THSD4: variants seen among roughly 807,000 people sequenced by gnomAD.
THSD4 encodes thrombospondin type 1 domain containing 4.
Under a neutral mutation model 119.0 loss-of-function variants are expected in THSD4, and 69 were observed. The ratio of observed to expected loss-of-function variants is 0.58; its 90% CI spans 0.48 to 0.71. THSD4 has a LOEUF of 0.71. THSD4 is among the 30% of genes least tolerant of loss of function. The pLI, the probability that THSD4 is intolerant of heterozygous loss-of-function variation, is 0.00. For synonymous variants in THSD4, 524 were observed against 540.4 expected, an observed-to-expected ratio of 0.97 and a Z score of 0.42; for missense variants, 1,393 against 1,391.1, an observed-to-expected ratio of 1.00 and a Z score of -0.02.
At chr15:71,753,288 G>A (rs1342993529) in intron 14 of THSD4, among the ~76,000 whole-genome samples, 1 of 152,116 alleles carries the variant, frequency 6.6e-6, no homozygotes, top group Non-Finnish European at 1.5e-5. Flanking sequence ...ACAAATCAAT[G>A]ATAGGTTTAA....
intron 7 of THSD4, among the ~76,000 whole-genome samples, chr15:71,613,454 G>A (rs2050266464): frequency 1.3e-5 from 2 of 152,124 alleles, no homozygotes. Context: ...ATAAATAGGA[G>A]GAGGATGTAT....
At chr15:71,613,775 C>G (rs2050272521) in intron 7 of THSD4, among the ~76,000 whole-genome samples, 1 of 152,120 alleles carries the variant, frequency 6.6e-6, no homozygotes, top group Non-Finnish European at 1.5e-5. Flanking sequence ...TAAACCAGTC[C>G]TGATTAGGTG....
intron 8 of THSD4, among the ~76,000 whole-genome samples, chr15:71,690,607 AAGACATCTCCT>A (rs1439859256): frequency 1.3e-5 from 2 of 152,226 alleles, no homozygotes; most frequent in African/African-American, 4.8e-5. Flanking sequence ...ACTGCTGATA[AAGACATCTCCT>A]AGACTGGGCA....
intron 7 of THSD4, among the ~76,000 whole-genome samples, chr15:71,571,929 T>G (rs1462087149): frequency 6.6e-6 from 1 of 152,184 alleles, no homozygotes; most frequent in Non-Finnish European, 1.5e-5. Context: ...ATTAATTATA[T>G]TTTCTTTCTT....
chr15:71,465,675 G>A (rs982939156), intron 7 of THSD4, among the ~76,000 whole-genome samples: 3 of 152,092 alleles, frequency 2.0e-5, no homozygotes, highest in African/African-American at 7.2e-5. Context: ...TTGCATTGTC[G>A]GTATTCATCT....
At chr15:71,472,698 C>A (rs948678127) in intron 7 of THSD4, among the ~76,000 whole-genome samples, 1 of 152,304 alleles carries the variant, frequency 6.6e-6, no homozygotes, top group East Asian at 1.9e-4. Context: ...AAGTCCTGCT[C>A]GCTGACCTGC....
intron 6 of THSD4, among the ~76,000 whole-genome samples, chr15:71,356,198 A>T (rs1328786874): frequency 1.3e-5 from 2 of 152,016 alleles, no homozygotes; most frequent in African/African-American, 4.8e-5. Flanking sequence ...TAGTCTAGTG[A>T]GTTTCTTCTC....
intron 7 of THSD4, among the ~76,000 whole-genome samples, chr15:71,546,025 C>G (rs372535873): frequency 1.4e-4 from 21 of 152,284 alleles, no homozygotes; most frequent in East Asian, 1.2e-3. Context: ...AAAGAGAAAG[C>G]CTGTGTCTTT....
chr15:71,097,592 T>A, intron 1 of THSD4, among the ~76,000 whole-genome samples: 3 of 147,634 alleles, frequency 2.0e-5, no homozygotes, highest in Non-Finnish European at 3.0e-5. Context: ...AACAACCAAA[T>A]GAGACAACAA....
intron 5 of THSD4, among the ~76,000 whole-genome samples, chr15:71,247,722 C>G (rs777426274): frequency 1.3e-5 from 2 of 152,180 alleles, no homozygotes; most frequent in Non-Finnish European, 2.9e-5. Flanking sequence ...GCAAGTTTGT[C>G]TTCAGCAGTG....
chr15:71,109,876 G>A (rs2040291157), intron 1 of THSD4, among the ~76,000 whole-genome samples: 1 of 152,188 alleles, frequency 6.6e-6, no homozygotes, highest in South Asian at 2.1e-4. Flanking sequence ...CCATGAACTT[G>A]GAGACCGTGT....
At chr15:71,260,115 A>C (rs1315032032) in intron 6 of THSD4, among the ~76,000 whole-genome samples, 3 of 152,176 alleles carry the variant, frequency 2.0e-5, no homozygotes, top group Non-Finnish European at 4.4e-5. Flanking sequence ...ATGCAGGTCT[A>C]ATATTGATAG....
In THSD4 at chr15:71,172,682, CATATATATATATATATAT is replaced by C. The variant is rs71152331; in HGVS notation, c.99+17785_99+17802del. On this transcript the variant is annotated intron_variant, in intron 3 of 17. Coordinates refer to ENST00000261862, the MANE Select transcript of THSD4 (RefSeq NM_024817.3). ...AATACAGCATGAAAATAGACCTATA[CATATATATATATATATAT>C]ATATATATATATATATATATATATA... 7.3e-3 allele frequency among the ~76,000 whole-genome samples: 177 copies of C among 24,228 alleles called. 2 individuals carry two copies. The highest frequency in any genetic ancestry group is 0.062 in the Middle Eastern group (1 of 16). 15.9% of individuals were successfully genotyped at this position (24,228 alleles called of 152,430 possible).
At chr15:71,662,916 C>T (rs2051338718) in intron 8 of THSD4, among the ~76,000 whole-genome samples, 1 of 152,010 alleles carries the variant, frequency 6.6e-6, no homozygotes, top group African/African-American at 2.4e-5. Context: ...AACATTTCCT[C>T]TTTCCTTAAA....
chr15:71,267,250 A>G (rs1003213754), intron 6 of THSD4, among the ~76,000 whole-genome samples: 5 of 152,256 alleles, frequency 3.3e-5, no homozygotes, highest in African/African-American at 1.2e-4. Context: ...CCATCAGGCT[A>G]ACAGCGGATC....
At chr15:71,403,808 C>T (rs1192666289) in intron 6 of THSD4, among the ~76,000 whole-genome samples, 1 of 151,646 alleles carries the variant, frequency 6.6e-6, no homozygotes, top group Non-Finnish European at 1.5e-5. Flanking sequence ...ATGCATTGCC[C>T]CTATGGGACT....
chr15:71,554,142 T>G (rs1408697451), intron 7 of THSD4, among the ~76,000 whole-genome samples: 2 of 145,964 alleles, frequency 1.4e-5, no homozygotes, highest in African/African-American at 5.0e-5. Context: ...CAGGCTGGAG[T>G]GCAGTGGCAC....
chr15:71,162,997 T>C (rs1385049648), intron 3 of THSD4, among the ~76,000 whole-genome samples: 7 of 151,986 alleles, frequency 4.6e-5, no homozygotes, highest in Non-Finnish European at 7.4e-5. Flanking sequence ...TATATCTGTC[T>C]CTTTATTGAA....
At chr15:71,123,741 G>T (rs977373998) in intron 1 of THSD4, among the ~76,000 whole-genome samples, 1 of 152,196 alleles carries the variant, frequency 6.6e-6, no homozygotes, top group East Asian at 1.9e-4. Flanking sequence ...AGGAAACAAG[G>T]TTGGGGGAGA....
Sources: allele counts gnomAD v4.1 joint callset (sites outside exome capture counted in the v4.1 genomes callset), GRCh38; gene constraint gnomAD v4.1.1; transcripts MANE v1.5; gene names NCBI Gene and HGNC (gene_info 2026-07-23, HGNC 2026-07-21).